ATP13A1: variants seen among roughly 807,000 people sequenced by gnomAD.
ATP13A1 encodes the protein endoplasmic reticulum transmembrane helix translocase.
Under a neutral mutation model 134.8 loss-of-function variants are expected in ATP13A1, and 55 were observed. The observed-to-expected ratio is 0.41, with a 90% CI of 0.33 to 0.51. The LOEUF (loss-of-function observed/expected upper bound fraction) is 0.51. ATP13A1 is among the 20% of genes least tolerant of loss of function. ATP13A1 has a pLI of 0.29. For synonymous variants in ATP13A1, 775 were observed against 725.1 expected (o/e 1.07, Z -1.10); for missense variants, 1,389 against 1,652.8 (o/e 0.84, Z 2.77).
chr19:19,655,600 G>T lies in ATP13A1; in HGVS notation c.1324C>A (p.Leu442Met). 1.2e-6 allele frequency: 2 copies of T among 1,613,904 alleles called. No homozygotes were observed. Among genetic ancestry groups the T allele is most frequent in the South Asian group, 2.2e-5 (2 of 91,064 alleles). The part of the protein sequence containing the change: ...FGVKRVTANN[L>M]ETFIFILFLL... Reference sequence around the variant, plus strand: ...AAGAGGATGAAGATGAAGGTCTCCAGGTTGTTCGCAGTCACCCTCTTGACC... The same window carrying T: ...AAGAGGATGAAGATGAAGGTCTCCATGTTGTTCGCAGTCACCCTCTTGACC... Residue 442 changes from leucine (L) to methionine (M), a missense_variant, in exon 10 of 26, where the codon CTG becomes ATG. Transcript: ENST00000357324. The surrounding 1 kb of genome is among the most constrained non-coding windows in gnomAD (Gnocchi z 5.7).
Position 19,645,590 on chromosome 19 carries a change from G to A in ATP13A1, c.3504+57C>T. 6.4e-6 allele frequency: 10 copies of A among 1,561,144 alleles called. No homozygotes were observed. In the South Asian group the frequency reaches 1.2e-4, roughly 18 times the overall value. ...ACCTGCAGCCCAGCTCAGGGTCACT[G>A]CCATAGGAGGGACCCATCAAGCTGA... On this transcript the variant is annotated intron_variant, in intron 25 of 25. Coordinates refer to ENST00000357324, the MANE Select transcript of ATP13A1 (RefSeq NM_020410.3). The surrounding 1 kb of genome is among the most constrained non-coding windows in gnomAD (Gnocchi z 4.1).
chr19:19,651,849 A>G, intron 16 of ATP13A1, 52 bp from the exon 17 acceptor site: 1 of 1,430,182 alleles, frequency 7.0e-7, no homozygotes, highest in Non-Finnish European at 9.7e-7. Context: ...GCCAAGCTCT[A>G]GGCCAGAGAC....
At chr19:19,651,634 C>A in intron 17 of ATP13A1, 55 bp downstream of exon 17, 2 of 1,419,370 alleles carry the variant, frequency 1.4e-6, no homozygotes, top group Non-Finnish European at 1.9e-6. Flanking sequence ...GCGATGGGAG[C>A]TGTTCTTGGA....
At position 19,662,113 on chromosome 19, in the gene ATP13A1, C is replaced by T. The variant is rs894233944; in HGVS notation, c.396+1158G>A. ...TGGCTGTTCAGCTCCTCCCACTTCT[C>T]CATCCCTGGAGAGGAAGTTAAGAGC... On this transcript the variant is annotated intron_variant, in intron 1 of 25. Transcript: ENST00000357324. The T allele has an allele frequency of 1.0e-5, 16 of 1,568,838 alleles. No individual in the cohort carries two copies. The African/African-American group carries it at 1.9e-4, about 19-fold the overall frequency.
chr19:19,661,820 G>C (rs1247880861), intron 1 of ATP13A1, among the ~76,000 whole-genome samples: 1 of 152,164 alleles, frequency 6.6e-6, no homozygotes, highest in Non-Finnish European at 1.5e-5. Flanking sequence ...CCACCGCACG[G>C]GTGGTTCATG....
chr19:19,653,153 G>C lies in ATP13A1; in HGVS notation c.2101-433C>G, dbSNP rs2062035567. 1 of 178,612 alleles carries C rather than the reference G, an allele frequency of 5.6e-6. No individual in the cohort carries two copies. The highest frequency in any genetic ancestry group is 2.4e-5 in the African/African-American group (1 of 42,186). The allele number at this position is 178,612 out of a possible 1,614,324, so 11.1% of individuals were successfully genotyped here. A position where few individuals can be genotyped will look rare whatever the true frequency, so the allele number is the denominator to read the frequency against. On this transcript the variant is annotated intron_variant, in intron 15 of 25. Coordinates refer to ENST00000357324, the MANE Select transcript of ATP13A1 (RefSeq NM_020410.3). This position sits in a 1 kb window ranked among gnomAD's most constrained non-coding sequence, Gnocchi z 4.2. ...CCAGGGGAGACGCATGATCAAGAAA[G>C]TCACAGAAATCGGAGTGCTGAGTGC...
Position 19,656,258 on chromosome 19 carries a change from G to A in ATP13A1, c.1084-75C>T, listed in dbSNP as rs2062057168. The A allele has an allele frequency of 1.3e-6, 2 of 1,531,302 alleles. No individual in the cohort carries two copies. Among genetic ancestry groups the A allele is most frequent in the Non-Finnish European group, 8.8e-7 (1 of 1,140,506 alleles). The allele number at this position is 1,531,302 out of a possible 1,614,324, so 94.9% of individuals were successfully genotyped here. A position where few individuals can be genotyped will look rare whatever the true frequency, so the allele number is the denominator to read the frequency against. The stretch of plus-strand genomic sequence containing the variant: ...TCTCCATCTGAGTTCCTGGACAGCT[G>A]GACCTTGAGGCTGGAATGAGCCAGG... On this transcript the variant is annotated intron_variant, in intron 7 of 25. Transcript: ENST00000357324. The surrounding 1 kb of genome is among the most constrained non-coding windows in gnomAD (Gnocchi z 4.6).
rs568620358 is a variant in ATP13A1, at chr19:19,656,340, C to T, written c.1084-157G>A. ...AGCTCCCAGATCCTCACCCTCACCC[C>T]GTCCTGTCTTCTCCCCATTGCACTC... On this transcript the variant is annotated intron_variant, in intron 7 of 25. Coordinates refer to ENST00000357324, the MANE Select transcript of ATP13A1 (RefSeq NM_020410.3). The surrounding 1 kb of genome is among the most constrained non-coding windows in gnomAD (Gnocchi z 4.6). Among the ~76,000 whole-genome samples, 14 of 152,266 alleles carry T rather than the reference C, an allele frequency of 9.2e-5. 1 individual carries two copies. In the East Asian group the frequency reaches 2.3e-3, roughly 25 times the overall value.
At chr19:19,650,784 A>G (rs2144998008) in intron 17 of ATP13A1, 1 of 152,652 alleles carries the variant, frequency 6.6e-6, no homozygotes, top group Middle Eastern at 3.4e-3. Flanking sequence ...GTTTGCTGCC[A>G]GCAGCCCTGT....
Position 19,657,145 on chromosome 19 carries a change from A to C in ATP13A1, c.755T>G (p.Phe252Cys). ...ATCCAGGCACCAGAGCCCCACACAG[A>C]ACACCTGTGGGATACCAGCCTGTCT... ...ATAPFFVFQV[F>C]CVGLWCLDEY... is the part of the protein sequence containing the mutation. The change falls in exon 5 of 26, where the codon TTC becomes TGC. Residue 252 changes from phenylalanine (F) to cysteine (C), a missense_variant. Phe to Cys is a radical substitution (Grantham distance 205, BLOSUM62 -2). Around this residue, in one of 4 missense-constraint regions of ATP13A1, gnomAD observed 747 missense variants for 956.1 expected, o/e 0.78. Coordinates refer to ENST00000357324, the MANE Select transcript of ATP13A1 (RefSeq NM_020410.3). The C allele has an allele frequency of 1.3e-6, 2 of 1,506,064 alleles. No homozygotes were observed. Among genetic ancestry groups the C allele is most frequent in the Non-Finnish European group, 1.8e-6 (2 of 1,127,946 alleles). 93.3% of individuals were successfully genotyped at this position (1,506,064 alleles called of 1,614,324 possible).
intron 12 of ATP13A1, 29 bp from the exon 13 acceptor site, chr19:19,654,729 G>C: frequency 6.3e-7 from 1 of 1,589,602 alleles, no homozygotes; most frequent in Non-Finnish European, 8.6e-7. Context: ...GCTGGTTACA[G>C]AGTGCAGGCG....
At chr19:19,646,931 C>T in intron 22 of ATP13A1, 198 bp downstream of exon 22, 7 of 620,754 alleles carry the variant, frequency 1.1e-5, no homozygotes, top group Non-Finnish European at 1.1e-5. Flanking sequence ...GGTGTGGACG[C>T]CAAGCTGTAC....
At chr19:19,646,443 A>G in intron 22 of ATP13A1, 96 bp from the exon 23 acceptor site, 1 of 1,428,500 alleles carries the variant, frequency 7.0e-7, no homozygotes, top group Non-Finnish European at 9.6e-7. Flanking sequence ...CTCCCGGGAG[A>G]CCTTGTGTAC....
At position 19,655,044 on chromosome 19, in the gene ATP13A1, G is replaced by A. The variant is rs1004712522; in HGVS notation, c.1655+75C>T. ...GGCCCTCACTGCAAGGGCTTGGGGT[G>A]GATGGGCCACCTGTCTCTCGACTTC... On this transcript the variant is annotated intron_variant, in intron 12 of 25. Transcript: ENST00000357324. The surrounding 1 kb of genome is among the most constrained non-coding windows in gnomAD (Gnocchi z 5.7). 66 of 1,581,810 alleles carry A rather than the reference G, an allele frequency of 4.2e-5. No individual in the cohort carries two copies. Among genetic ancestry groups the A allele is most frequent in the African/African-American group, 5.4e-5 (4 of 74,390 alleles).
rs1267719491 is a variant in ATP13A1, at chr19:19,656,187, G to A, written c.1084-4C>T. The A allele has an allele frequency of 1.9e-6, 3 of 1,598,334 alleles. No homozygotes were observed. The South Asian group carries it at 3.3e-5, about 18-fold the overall frequency. Reference sequence around the variant, plus strand: ...GGCTGAGGTCTTCGATGGGCTCCTGGGGAGGAAGATCGTGAATCTGGATGG... The same window carrying A: ...GGCTGAGGTCTTCGATGGGCTCCTGAGGAGGAAGATCGTGAATCTGGATGG... On this transcript the variant is annotated splice_region_variant and splice_polypyrimidine_tract_variant and intron_variant, in intron 7 of 25. Coordinates refer to ENST00000357324, the MANE Select transcript of ATP13A1 (RefSeq NM_020410.3). The surrounding 1 kb of genome is among the most constrained non-coding windows in gnomAD (Gnocchi z 4.6).
At position 19,647,293 on chromosome 19, in the gene ATP13A1, G is replaced by C. The variant is rs937936857; in HGVS notation, c.2941C>G (p.Leu981Val). 1 of 1,613,290 alleles carries C rather than the reference G, an allele frequency of 6.2e-7. No individual in the cohort carries two copies. The highest frequency in any genetic ancestry group is 1.3e-5 in the African/African-American group (1 of 74,862). The change falls in exon 22 of 26, where the codon CTG becomes GTG. Residue 981 changes from leucine (L) to valine (V), a missense_variant. By Grantham distance (32) the Leu-to-Val change is conservative. Coordinates refer to ENST00000357324, the MANE Select transcript of ATP13A1 (RefSeq NM_020410.3). The surrounding 1 kb of genome is among the most constrained non-coding windows in gnomAD (Gnocchi z 4.8). ...TTGAACATCTGTAGCGTGGTCACCA[G>C]CGTGCAGCGGCCCTGCTTGATCACG... ...CHVIKQGRCTLVTTLQMFKIL... is the reference protein window; with the variant it reads ...CHVIKQGRCTVVTTLQMFKIL...
intron 1 of ATP13A1, chr19:19,662,119 C>A (rs763744200): frequency 1.3e-6 from 2 of 1,566,238 alleles, no homozygotes; most frequent in East Asian, 2.4e-5. Context: ...TTCTCCATCC[C>A]TGGAGAGGAA....
In ATP13A1 at chr19:19,655,777, C is replaced by T. The variant is rs1599434229; in HGVS notation, c.1269+101G>A. ...TGGCCCAGGTCCAGGGCCGTGCTGCCAGAGTCAGCCCGTGGGGCAGATGTT... is the reference window on the plus strand; with the variant it reads ...TGGCCCAGGTCCAGGGCCGTGCTGCTAGAGTCAGCCCGTGGGGCAGATGTT... On this transcript the variant is annotated intron_variant, in intron 9 of 25. Coordinates refer to ENST00000357324, the MANE Select transcript of ATP13A1 (RefSeq NM_020410.3). The surrounding 1 kb of genome is among the most constrained non-coding windows in gnomAD (Gnocchi z 5.7). The T allele has an allele frequency of 6.5e-7, 1 of 1,533,798 alleles. No individual in the cohort carries two copies. The highest frequency in any genetic ancestry group is 8.8e-7 in the Non-Finnish European group (1 of 1,140,522).
At position 19,655,483 on chromosome 19, in the gene ATP13A1, C is replaced by A. The variant is rs912266114; in HGVS notation, c.1397-30G>T. The stretch of plus-strand genomic sequence containing the variant: ...GGAGACAGGGCCTGCCAACCTGGAG[C>A]CTCGGAGGGTGGGCGCAGGGGACCA... On this transcript the variant is annotated intron_variant, in intron 10 of 25. Transcript: ENST00000357324. The surrounding 1 kb of genome is among the most constrained non-coding windows in gnomAD (Gnocchi z 5.7). The A allele has an allele frequency of 8.7e-6, 14 of 1,613,790 alleles. No homozygotes were observed. The highest frequency in any genetic ancestry group is 9.3e-6 in the Non-Finnish European group (11 of 1,179,856).
Sources: allele counts gnomAD v4.1 joint callset (sites outside exome capture counted in the v4.1 genomes callset), GRCh38; gene constraint gnomAD v4.1.1; regional missense constraint gnomAD v4.1.1; non-coding constraint Gnocchi (gnomAD v3.1); transcripts MANE v1.5; gene names NCBI Gene and HGNC (gene_info 2026-07-23, HGNC 2026-07-21).